The following MAP2K1 variants were observed in gnomAD, a reference collection of about 807,000 sequenced individuals.
MAP2K1 encodes mitogen-activated protein kinase kinase 1, also known as dual specificity mitogen-activated protein kinase kinase 1.
A neutral mutation model predicts 46.3 loss-of-function variants in MAP2K1; 16 were observed. The ratio of observed to expected loss-of-function variants is 0.35; its 90% CI spans 0.23 to 0.52. The LOEUF is 0.52. Ranked by LOEUF, MAP2K1 falls within the 20% of genes least tolerant of loss-of-function variation. The pLI is 0.94. For synonymous variants in MAP2K1, 183 were observed against 185.6 expected, an observed-to-expected ratio of 0.99 and a Z score of 0.11; for missense variants, 263 against 497.1, an observed-to-expected ratio of 0.53 and a Z score of 4.48.
chr15:66,441,687 G>T (rs2093504037), intron 3 of MAP2K1, among the ~76,000 whole-genome samples: 1 of 149,676 alleles, frequency 6.7e-6, no homozygotes, highest in Admixed American at 6.7e-5. Context: ...TACCTCTTAT[G>T]AATATATTCT....
intron 1 of MAP2K1, among the ~76,000 whole-genome samples, chr15:66,421,340 T>G (rs2093442980): frequency 1.3e-5 from 2 of 152,108 alleles, no homozygotes; most frequent in African/African-American, 4.8e-5. Context: ...TTTGCCATGT[T>G]GCCCAGGCTG....
At chr15:66,466,162 T>C (rs1415829069) in intron 5 of MAP2K1, among the ~76,000 whole-genome samples, 1 of 152,212 alleles carries the variant, frequency 6.6e-6, no homozygotes, top group African/African-American at 2.4e-5. Flanking sequence ...TCAAGTTGGA[T>C]TCCTTAAAGG....
chr15:66,481,304 C>G (rs1043273840), intron 5 of MAP2K1, among the ~76,000 whole-genome samples: 1 of 152,192 alleles, frequency 6.6e-6, no homozygotes, highest in African/African-American at 2.4e-5. Context: ...TCCCGCCAAA[C>G]CCTGTCCCCT....
At chr15:66,396,429 C>G (rs2093367730) in intron 1 of MAP2K1, among the ~76,000 whole-genome samples, 1 of 151,950 alleles carries the variant, frequency 6.6e-6, no homozygotes, top group Non-Finnish European at 1.5e-5. Context: ...ACCACCATGG[C>G]CGGCTAATTT....
At chr15:66,412,754 G>A (rs890546039) in intron 1 of MAP2K1, among the ~76,000 whole-genome samples, 1 of 152,098 alleles carries the variant, frequency 6.6e-6, no homozygotes, top group Non-Finnish European at 1.5e-5. Context: ...ATTCACAGGT[G>A]CAGTCATAGT....
chr15:66,418,405 C>T (rs1419698544), intron 1 of MAP2K1, among the ~76,000 whole-genome samples: 1 of 152,188 alleles, frequency 6.6e-6, no homozygotes, highest in Non-Finnish European at 1.5e-5. Context: ...GATAGACCAG[C>T]ATGGGCCATT....
chr15:66,452,950 T>G (rs1892075080), intron 5 of MAP2K1, among the ~76,000 whole-genome samples: 2 of 152,226 alleles, frequency 1.3e-5, no homozygotes, highest in African/African-American at 4.8e-5. Flanking sequence ...TCTTCAGTCC[T>G]GAAGATGATA....
chr15:66,436,658 A>C, intron 2 of MAP2K1, 88 bp from the exon 3 acceptor site: 1 of 1,315,294 alleles, frequency 7.6e-7, no homozygotes, highest in Non-Finnish European at 1.1e-6. Context: ...TCTACCTTAA[A>C]GAGCTTAAAC....
At chr15:66,420,751 G>GTATATA (rs2093436742) in intron 1 of MAP2K1, among the ~76,000 whole-genome samples, 1 of 47,126 alleles carries the variant, frequency 2.1e-5, no homozygotes, top group African/African-American at 6.1e-5. Context: ...GTGTGTGTGT[G>GTATATA]TGTGTGTGTA....
At chr15:66,417,253 T>C (rs1488084509) in intron 1 of MAP2K1, among the ~76,000 whole-genome samples, 1 of 152,254 alleles carries the variant, frequency 6.6e-6, no homozygotes. Context: ...GTCTAACTAG[T>C]AATTTTCTAC....
intron 1 of MAP2K1, among the ~76,000 whole-genome samples, chr15:66,415,792 T>A (rs190630757): frequency 6.6e-6 from 1 of 152,338 alleles, no homozygotes; most frequent in East Asian, 1.9e-4. Context: ...CTATATATAT[T>A]CACTGGAAAT....
intron 1 of MAP2K1, among the ~76,000 whole-genome samples, chr15:66,423,879 T>C (rs2093450192): frequency 6.6e-6 from 1 of 152,028 alleles, no homozygotes; most frequent in Admixed American, 6.6e-5. Flanking sequence ...AGTGCTGGGA[T>C]TACAGGTGTG....
At chr15:66,469,612 A>G (rs1042447623) in intron 5 of MAP2K1, among the ~76,000 whole-genome samples, 2 of 145,634 alleles carry the variant, frequency 1.4e-5, no homozygotes, top group Non-Finnish European at 3.0e-5. Flanking sequence ...CTGTCAACTG[A>G]GAAGAAGAAA....
chr15:66,441,427 T>C (rs879246484), intron 3 of MAP2K1, among the ~76,000 whole-genome samples: 1 of 151,982 alleles, frequency 6.6e-6, no homozygotes, highest in African/African-American at 2.4e-5. Flanking sequence ...TCCCAGCACT[T>C]TGGGAGGCTG....
intron 1 of MAP2K1, among the ~76,000 whole-genome samples, chr15:66,425,974 C>T (rs2093457292): frequency 1.3e-5 from 2 of 152,138 alleles, no homozygotes. Flanking sequence ...CTTTCTTCCT[C>T]CTTTCTTGTT....
chr15:66,392,856 G>C (rs146437461), intron 1 of MAP2K1, among the ~76,000 whole-genome samples: 1 of 151,980 alleles, frequency 6.6e-6, no homozygotes, highest in South Asian at 2.1e-4. Context: ...CCTGGCCTTA[G>C]TTTCTTTTTT....
chr15:66,394,014 A>G (rs1172691845), intron 1 of MAP2K1, among the ~76,000 whole-genome samples: 1 of 152,122 alleles, frequency 6.6e-6, no homozygotes, highest in Non-Finnish European at 1.5e-5. Flanking sequence ...TGCCACCCCA[A>G]GTGTAAGCTT....
At chr15:66,399,893 C>CGATA in intron 1 of MAP2K1, among the ~76,000 whole-genome samples, 1 of 151,916 alleles carries the variant, frequency 6.6e-6, no homozygotes, top group Admixed American at 6.5e-5. Flanking sequence ...CCATGCCTGG[C>CGATA]TATCGCCCAG....
At chr15:66,468,666 C>T (rs1480568183) in intron 5 of MAP2K1, among the ~76,000 whole-genome samples, 1 of 152,144 alleles carries the variant, frequency 6.6e-6, no homozygotes, top group Non-Finnish European at 1.5e-5. Flanking sequence ...GGCGCGGTGG[C>T]TCACACCTGT....
Sources: gnomAD v4.1 joint callset for allele counts (sites outside exome capture counted in the v4.1 genomes callset) on GRCh38, gnomAD v4.1.1 for gene constraint, MANE v1.5 for transcripts, NCBI Gene and HGNC (gene_info 2026-07-23, HGNC 2026-07-21) for gene names.